Variants in CNTNAP4 observed in about 807,000 individuals in gnomAD.
The protein encoded by CNTNAP4 is contactin associated protein family member 4, also known as contactin-associated protein-like 4.
In CNTNAP4, 98 loss-of-function variants were observed where a neutral mutation model predicts 148.4. The ratio of observed to expected loss-of-function variants is 0.66; its 90% CI spans 0.56 to 0.78. The LOEUF (loss-of-function observed/expected upper bound fraction) is 0.78. Ranked by LOEUF, CNTNAP4 falls within the 30% of genes least tolerant of loss-of-function variation. The probability of loss-of-function intolerance (pLI) is 0.00; values close to 1 mark genes in which losing one functional copy is unlikely to be tolerated. For missense variants in CNTNAP4, 1,935 were observed against 1,565.6 expected (o/e 1.24, Z -3.98); for synonymous variants, 730 against 565.1 (o/e 1.29, Z -4.14).
chr16:76,315,494 A>G (rs1961621942), intron 1 of CNTNAP4, among the ~76,000 whole-genome samples: 1 of 152,174 alleles, frequency 6.6e-6, no homozygotes, highest in Admixed American at 6.5e-5. Flanking sequence ...CTTGGCCTAC[A>G]TTTTGCTAGT....
intron 15 of CNTNAP4, among the ~76,000 whole-genome samples, chr16:76,505,381 C>G (rs182762993): frequency 1.0e-5 from 1 of 97,618 alleles, no homozygotes; most frequent in African/African-American, 2.6e-5. Context: ...GACTAAAAAG[C>G]CTACATGCTT....
chr16:76,427,664 A>G (rs2145049216), intron 4 of CNTNAP4, 65 bp downstream of exon 4: 1 of 1,423,278 alleles, frequency 7.0e-7, no homozygotes, highest in Non-Finnish European at 9.4e-7. Context: ...AAGCCAAACT[A>G]CAAACTGAAA....
rs2013800023 is a variant in CNTNAP4 at position 76,364,159 on chromosome 16, C to T, written c.390+8648C>T. On this transcript the variant is annotated intron_variant, in intron 3 of 23. Transcript: ENST00000611870. ...GGTTGAGGCATGAGAATCACTAGAA[C>T]CTGGGAGGTGGAGGTTGCGGTGAGC... Among the ~76,000 whole-genome samples, 4 of 132,782 alleles carry T rather than the reference C, an allele frequency of 3.0e-5. No individual in the cohort carries two copies. In the South Asian group the frequency reaches 9.9e-4, roughly 33 times the overall value. 87.1% of individuals were successfully genotyped at this position (132,782 alleles called of 152,430 possible).
intron 1 of CNTNAP4, among the ~76,000 whole-genome samples, chr16:76,312,543 C>G (rs1295115595): frequency 1.3e-5 from 2 of 152,128 alleles, no homozygotes; most frequent in African/African-American, 2.4e-5. Flanking sequence ...CTCTTCCTCT[C>G]TTGTCAAGAC....
rs6145898 is a variant in CNTNAP4 at position 76,307,503 on chromosome 16, CATATATATATATATAT to C, written c.86-8888_86-8873del. 9.6e-4 allele frequency among the ~76,000 whole-genome samples: 88 copies of C among 91,710 alleles called. 2 individuals are homozygous for C. Among genetic ancestry groups the C allele is most frequent in the Middle Eastern group, 0.012 (2 of 172 alleles). 60.2% of individuals were successfully genotyped at this position (91,710 alleles called of 152,430 possible). A position where few individuals can be genotyped will look rare whatever the true frequency, so the allele number is the denominator to read the frequency against. ...TTCTCCTAGATATCTATTTTAAATGCATATATATATATATATATATATATATATATATATATACCAA... is the reference window on the plus strand; with the variant it reads ...TTCTCCTAGATATCTATTTTAAATGCATATATATATATATATATATACCAA... On this transcript the variant is annotated intron_variant, in intron 1 of 23. Coordinates refer to ENST00000611870, the MANE Select transcript of CNTNAP4 (RefSeq NM_033401.5).
intron 2 of CNTNAP4, among the ~76,000 whole-genome samples, chr16:76,352,081 C>T (rs2144465261): frequency 6.6e-6 from 1 of 152,208 alleles, no homozygotes; most frequent in East Asian, 1.9e-4. Flanking sequence ...GTGGAATTTC[C>T]AGGCTGAGAG....
At chr16:76,530,785 C>T (rs2083945816) in intron 17 of CNTNAP4, among the ~76,000 whole-genome samples, 1 of 152,184 alleles carries the variant, frequency 6.6e-6, no homozygotes, top group Non-Finnish European at 1.5e-5. Flanking sequence ...TAATGAAGAA[C>T]ATTGCGTGAC....
chr16:76,295,821 A>G (rs1247041874), intron 1 of CNTNAP4, among the ~76,000 whole-genome samples: 3 of 152,050 alleles, frequency 2.0e-5, no homozygotes, highest in Admixed American at 6.5e-5. Flanking sequence ...ATAAGAATTT[A>G]TTTATTTATT....
At chr16:76,366,925 C>CGG (rs2014209397) in intron 3 of CNTNAP4, among the ~76,000 whole-genome samples, 1 of 151,902 alleles carries the variant, frequency 6.6e-6, no homozygotes, top group Non-Finnish European at 1.5e-5. Flanking sequence ...ATTCATTCTC[C>CGG]CTAAAATCAT....
chr16:76,293,141 T>A (rs1031712739), intron 1 of CNTNAP4, among the ~76,000 whole-genome samples: 3 of 151,940 alleles, frequency 2.0e-5, no homozygotes, highest in Non-Finnish European at 4.4e-5. Context: ...TTTTTTTTTT[T>A]CTTTTCCGGA....
chr16:76,384,962 A>T (rs1274287181), intron 3 of CNTNAP4, among the ~76,000 whole-genome samples: 2 of 152,232 alleles, frequency 1.3e-5, no homozygotes, highest in African/African-American at 4.8e-5. Flanking sequence ...GTTAATTTAC[A>T]GTCAGCATTC....
At position 76,367,363 on chromosome 16, in the gene CNTNAP4, C is replaced by CCTGTCTTT. The variant is rs573788990; in HGVS notation, c.390+11855_390+11862dup. 1.9e-4 allele frequency among the ~76,000 whole-genome samples: 29 copies of CCTGTCTTT among 151,914 alleles called. No homozygotes were observed. The East Asian group carries it at 5.4e-3, about 28-fold the overall frequency. ...GATACACATGTAATATTGGACGGGG[C>CCTGTCTTT]CTGTCTTTCTAGGCAAAGGGAACCA... On this transcript the variant is annotated intron_variant, in intron 3 of 23. Transcript: ENST00000611870.
chr16:76,390,318 T>C (rs2016864457), intron 3 of CNTNAP4, among the ~76,000 whole-genome samples: 1 of 152,230 alleles, frequency 6.6e-6, no homozygotes, highest in African/African-American at 2.4e-5. Context: ...TTATCTATTG[T>C]AGCTAATCTG....
At chr16:76,446,317 C>T (rs2080242659) in intron 4 of CNTNAP4, among the ~76,000 whole-genome samples, 1 of 152,054 alleles carries the variant, frequency 6.6e-6, no homozygotes, top group South Asian at 2.1e-4. Context: ...TGAAAAATCG[C>T]TTCATATTTT....
intron 1 of CNTNAP4, among the ~76,000 whole-genome samples, chr16:76,296,228 G>C (rs113941807): frequency 2.6e-5 from 4 of 152,244 alleles, no homozygotes; most frequent in African/African-American, 9.6e-5. Context: ...GCAAGAATAA[G>C]AATTTATCCT....
intron 3 of CNTNAP4, among the ~76,000 whole-genome samples, chr16:76,424,636 G>A (rs559636178): frequency 4.4e-4 from 67 of 152,184 alleles, no homozygotes; most frequent in Non-Finnish European, 5.4e-4. Flanking sequence ...TCTGGGGCCC[G>A]TAATCCCAGC....
rs529823498 is a variant in CNTNAP4 at position 76,527,173 on chromosome 16, C to T, written c.2755+4916C>T. Among the ~76,000 whole-genome samples the T allele has an allele frequency of 9.9e-5, 15 of 152,236 alleles. No individual in the cohort carries two copies. In the South Asian group the frequency reaches 1.2e-3, roughly 13 times the overall value. The stretch of plus-strand genomic sequence containing the variant: ...ATCTTCTTCCTCTCCTTTAATGAGA[C>T]ACACCTGCTCTGTAATCACCTTCTC... On this transcript the variant is annotated intron_variant, in intron 17 of 23. Transcript: ENST00000611870.
At chr16:76,396,359 C>G (rs2078205599) in intron 3 of CNTNAP4, among the ~76,000 whole-genome samples, 1 of 152,162 alleles carries the variant, frequency 6.6e-6, no homozygotes, top group Non-Finnish European at 1.5e-5. Context: ...GGCCATACTA[C>G]CCGGTGCAAG....
intron 10 of CNTNAP4, among the ~76,000 whole-genome samples, chr16:76,468,207 C>T (rs1400216265): frequency 6.6e-6 from 1 of 152,086 alleles, no homozygotes; most frequent in African/African-American, 2.4e-5. Context: ...GGCGCAGTGG[C>T]TCATGCCTGT....
Sources: allele counts gnomAD v4.1 joint callset (sites outside exome capture counted in the v4.1 genomes callset), GRCh38; gene constraint gnomAD v4.1.1; transcripts MANE v1.5; gene names NCBI Gene and HGNC (gene_info 2026-07-23, HGNC 2026-07-21).